PRKN: variants seen among roughly 807,000 people sequenced by gnomAD.
PRKN encodes E3 ubiquitin-protein ligase parkin.
A neutral mutation model predicts 59.5 loss-of-function variants in PRKN; 56 were observed. The ratio of observed to expected loss-of-function variants is 0.94; its 90% CI spans 0.76 to 1.18. The LOEUF (loss-of-function observed/expected upper bound fraction) is 1.18. Ranked by LOEUF, PRKN falls within the 50% of genes most tolerant of loss-of-function variation. The pLI, the probability that PRKN is intolerant of heterozygous loss-of-function variation, is 0.00. For synonymous variants in PRKN, 250 were observed against 222.1 expected (o/e 1.13, Z -1.12); for missense variants, 657 against 596.4 (o/e 1.10, Z -1.06).
chr6:161,921,207 C>A (rs1459757937), intron 6 of PRKN, among the ~76,000 whole-genome samples: 4 of 152,052 alleles, frequency 2.6e-5, no homozygotes, highest in Admixed American at 6.5e-5. Flanking sequence ...CACACATTAG[C>A]CTAACAGGGT....
chr6:161,490,521 G>GC (rs1260368140), intron 9 of PRKN, among the ~76,000 whole-genome samples: 1 of 151,274 alleles, frequency 6.6e-6, no homozygotes, highest in Non-Finnish European at 1.5e-5. Context: ...CTCCCAAGTA[G>GC]CTGAGCTTAC....
At chr6:162,216,820 T>A (rs1777694960) in intron 3 of PRKN, among the ~76,000 whole-genome samples, 1 of 152,164 alleles carries the variant, frequency 6.6e-6, no homozygotes. Flanking sequence ...AGCAAAATTA[T>A]ATTTAAAAAT....
rs1791039335 is a variant in PRKN at position 161,475,844 on chromosome 6, A to G, written c.1083+73010T>C. Among the ~76,000 whole-genome samples the G allele has an allele frequency of 6.6e-6, 1 of 152,084 alleles. No individual in the cohort carries two copies. Among genetic ancestry groups the G allele is most frequent in the Admixed American group, 6.6e-5 (1 of 15,262 alleles). ...CCATGAATTTCTTTTTATTACTCTG[A>G]TAACTGCATTTTCCTTTCAATCTTA... On this transcript the variant is annotated intron_variant, in intron 9 of 11. Transcript: ENST00000366898. This position sits in a 1 kb window ranked among gnomAD's most constrained non-coding sequence, Gnocchi z 5.3.
intron 7 of PRKN, among the ~76,000 whole-genome samples, chr6:161,741,367 G>A (rs1280158530): frequency 6.6e-6 from 1 of 152,186 alleles, no homozygotes; most frequent in Non-Finnish European, 1.5e-5. Flanking sequence ...CACTCGATGA[G>A]ACAAATCTCA....
At chr6:161,604,122 G>C (rs978752726) in intron 7 of PRKN, among the ~76,000 whole-genome samples, 7 of 152,170 alleles carry the variant, frequency 4.6e-5, no homozygotes, top group Non-Finnish European at 1.0e-4. Flanking sequence ...CATTATAGCA[G>C]CCCAGATGGA....
intron 2 of PRKN, among the ~76,000 whole-genome samples, chr6:162,340,437 T>C (rs1242587510): frequency 6.6e-6 from 1 of 152,232 alleles, no homozygotes; most frequent in Non-Finnish European, 1.5e-5. Context: ...TGAATACCAA[T>C]GTCTAGACAT....
intron 9 of PRKN, among the ~76,000 whole-genome samples, chr6:161,455,419 C>T (rs1394829127): frequency 6.6e-6 from 1 of 152,154 alleles, no homozygotes; most frequent in Non-Finnish European, 1.5e-5. Context: ...GAATGACTTG[C>T]TATTTACATC....
intron 1 of PRKN, among the ~76,000 whole-genome samples, chr6:162,514,583 GCA>G (rs890633291): frequency 7.9e-5 from 12 of 152,144 alleles, no homozygotes; most frequent in African/African-American, 2.9e-4. Context: ...CTTGAACACA[GCA>G]CAAAAAGATA....
Position 161,593,955 on chromosome 6 carries a change from G to T in PRKN, c.872-24539C>A, listed in dbSNP as rs1401002449. 2.0e-5 allele frequency among the ~76,000 whole-genome samples: 3 copies of T among 151,232 alleles called. No individual in the cohort carries two copies. Among genetic ancestry groups the T allele is most frequent in the Non-Finnish European group, 4.4e-5 (3 of 67,880 alleles). ...TCACGAGGTCAGGAGTTTGAGACCA[G>T]CCTGGCCAACATAGTGAAACCCCAT... On this transcript the variant is annotated intron_variant, in intron 7 of 11. Coordinates refer to ENST00000366898, the MANE Select transcript of PRKN (RefSeq NM_004562.3). The surrounding 1 kb of genome is among the most constrained non-coding windows in gnomAD (Gnocchi z 4.8).
chr6:162,045,547 T>A (rs1784219103), intron 5 of PRKN, among the ~76,000 whole-genome samples: 1 of 152,264 alleles, frequency 6.6e-6, no homozygotes, highest in African/African-American at 2.4e-5. Context: ...CATATGCTTA[T>A]AATTTCCATT....
rs748787015 is a variant in PRKN at position 161,757,833 on chromosome 6, ATCTCTCTC to A, written c.871+27931_871+27938del. Among the ~76,000 whole-genome samples, 34 of 37,646 alleles carry A rather than the reference ATCTCTCTC, an allele frequency of 9.0e-4. 1 individual carries two copies. Among genetic ancestry groups the A allele is most frequent in the South Asian group, 1.4e-3 (2 of 1,480 alleles). 24.7% of individuals were successfully genotyped at this position (37,646 alleles called of 152,430 possible). ...AGCCTGGGCAATAGAGCAAAACTCC[ATCTCTCTC>A]TCTCTCTCTCTCTCTCTCTCTCTCT... On this transcript the variant is annotated intron_variant, in intron 7 of 11. Coordinates refer to ENST00000366898, the MANE Select transcript of PRKN (RefSeq NM_004562.3).
rs560559409 is a variant in PRKN, at chr6:161,819,484, C to G, written c.735-33576G>C. ...CAGCCTGGGTGACAAGAGTGAGACT[C>G]TGTCTCAAAAAAATAAAAATAAAAA... On this transcript the variant is annotated intron_variant, in intron 6 of 11. Transcript: ENST00000366898. Among the ~76,000 whole-genome samples the G allele has an allele frequency of 1.4e-3, 208 of 152,088 alleles. 1 individual carries two copies. Among genetic ancestry groups the G allele is most frequent in the African/African-American group, 4.9e-3 (205 of 41,476 alleles).
At chr6:161,800,265 A>G (rs534677843) in intron 6 of PRKN, among the ~76,000 whole-genome samples, 2 of 152,090 alleles carry the variant, frequency 1.3e-5, no homozygotes, top group African/African-American at 4.8e-5. Context: ...GTTTGGGGCA[A>G]TCGAGTGCTT....
chr6:161,421,055 A>C (rs1583045655), intron 9 of PRKN, among the ~76,000 whole-genome samples: 1 of 152,186 alleles, frequency 6.6e-6, no homozygotes, highest in African/African-American at 2.4e-5. Flanking sequence ...AGAAAGCAAT[A>C]AACTAAGTAG....
chr6:161,795,378 A>G (rs1397533540), intron 6 of PRKN, among the ~76,000 whole-genome samples: 1 of 151,482 alleles, frequency 6.6e-6, no homozygotes, highest in Non-Finnish European at 1.5e-5. Flanking sequence ...GACTACAGTC[A>G]CCTGCCACCA....
intron 4 of PRKN, among the ~76,000 whole-genome samples, chr6:162,075,055 C>T (rs1247863130): frequency 2.0e-5 from 3 of 149,834 alleles, no homozygotes; most frequent in Admixed American, 6.6e-5. Context: ...TGATTATCTT[C>T]GTCTGTTCAA....
chr6:161,897,763 C>G (rs564940683), intron 6 of PRKN, among the ~76,000 whole-genome samples: 1 of 150,796 alleles, frequency 6.6e-6, no homozygotes, highest in South Asian at 2.1e-4. Context: ...GGGTGGATCA[C>G]GAGGTCAGGA....
chr6:162,473,455 A>T (rs9365442), intron 1 of PRKN, among the ~76,000 whole-genome samples: 47,496 of 151,958 alleles, frequency 0.31, 7,685 homozygotes, highest in East Asian at 0.49. Context: ...CCCTATTATA[A>T]CATAGTTTCT....
At chr6:162,681,719 T>C (rs1020000309) in intron 1 of PRKN, among the ~76,000 whole-genome samples, 1 of 152,132 alleles carries the variant, frequency 6.6e-6, no homozygotes, top group Non-Finnish European at 1.5e-5. Flanking sequence ...TGTGTGACCT[T>C]TGTAACTTCA....
Sources: gnomAD v4.1 joint callset for allele counts (sites outside exome capture counted in the v4.1 genomes callset) on GRCh38, gnomAD v4.1.1 for gene constraint, Gnocchi (gnomAD v3.1) non-coding constraint, MANE v1.5 for transcripts, NCBI Gene and HGNC (gene_info 2026-07-23, HGNC 2026-07-21) for gene names.